PDE10A: variants seen among roughly 807,000 people sequenced by gnomAD.
PDE10A encodes the protein phosphodiesterase 10A.
A neutral mutation model predicts 97.7 loss-of-function variants in PDE10A; 39 were observed. The ratio of observed to expected loss-of-function variants is 0.40; its 90% CI spans 0.31 to 0.52. PDE10A has a LOEUF of 0.52. Ranked by LOEUF, PDE10A falls within the 20% of genes least tolerant of loss-of-function variation. The pLI is 0.56. For missense variants in PDE10A, 731 were observed against 1,047.8 expected (o/e 0.70, Z 4.17); for synonymous variants, 371 against 376.8 (o/e 0.98, Z 0.18).
intron 1 of PDE10A, among the ~76,000 whole-genome samples, chr6:165,595,989 A>T (rs2128389764): frequency 6.6e-6 from 1 of 152,314 alleles, no homozygotes; most frequent in Middle Eastern, 3.4e-3. Context: ...GGCCAAAACC[A>T]AACACCTAAT....
intron 1 of PDE10A, among the ~76,000 whole-genome samples, chr6:165,782,165 A>C (rs1319543110): frequency 6.6e-6 from 1 of 152,242 alleles, no homozygotes. Flanking sequence ...TCAAAATCTA[A>C]TCACAAAGTT....
intron 1 of PDE10A, among the ~76,000 whole-genome samples, chr6:165,787,024 C>G (rs1426546697): frequency 2.6e-5 from 4 of 151,970 alleles, no homozygotes; most frequent in Non-Finnish European, 5.9e-5. Flanking sequence ...TCTTTAGCGG[C>G]AAATTATTCT....
intron 2 of PDE10A, among the ~76,000 whole-genome samples, chr6:165,529,745 T>C (rs574949213): frequency 6.6e-6 from 1 of 152,306 alleles, no homozygotes; most frequent in South Asian, 2.1e-4. Context: ...GGGTTGGAGA[T>C]TGGTGCATCT....
intron 3 of PDE10A, among the ~76,000 whole-genome samples, chr6:165,480,072 G>A (rs1372154248): frequency 2.0e-5 from 3 of 152,138 alleles, no homozygotes; most frequent in African/African-American, 7.2e-5. Flanking sequence ...ATGTTTTAAA[G>A]ATATATTAAT....
chr6:165,854,405 C>T (rs1336973644), intron 1 of PDE10A, among the ~76,000 whole-genome samples: 1 of 152,106 alleles, frequency 6.6e-6, no homozygotes, highest in African/African-American at 2.4e-5. Context: ...AGACCAGGTG[C>T]GTTTTGGAAA....
rs563198579 is a variant in PDE10A at position 165,679,468 on chromosome 6, G to A, written c.-614-135900C>T. Among the ~76,000 whole-genome samples the A allele has an allele frequency of 7.2e-5, 11 of 152,258 alleles. No homozygotes were observed. In the South Asian group the frequency reaches 8.3e-4, roughly 11 times the overall value. On this transcript the variant is annotated intron_variant, in intron 1 of 19. Transcript: ENST00000366882. ...GAAAGGGGAAATCTGGATTCTCACC[G>A]GCCGCTACCTCCCAGCCCTTGAGGA...
intron 1 of PDE10A, chr6:165,949,218 G>C (rs300103): frequency 0.28 from 42,228 of 152,114 alleles, 6,944 homozygotes; most frequent in African/African-American, 0.45. Context: ...TATTGGTCAC[G>C]CTAACCCATT....
chr6:165,388,422 T>C lies in PDE10A; in HGVS notation c.2486A>G (p.His829Arg). ...RKGLLIACLC[H>R]DLDHRGFSNS... The stretch of plus-strand genomic sequence containing the variant: ...ACTGAAGCCCCTGTGGTCCAGGTCA[T>C]GACACAGACACGCAATCAGCAGTCC... Residue 829 changes from histidine to arginine, a missense_variant, in exon 17 of 22, where the codon CAT becomes CGT. His to Arg is a conservative substitution (Grantham distance 29, BLOSUM62 0). Transcript: ENST00000539869. The surrounding 1 kb of genome is among the most constrained non-coding windows in gnomAD (Gnocchi z 4.0). 6.2e-7 allele frequency: 1 copy of C among 1,614,180 alleles called. No individual in the cohort carries two copies. The highest frequency in any genetic ancestry group is 8.5e-7 in the Non-Finnish European group (1 of 1,180,006).
chr6:165,612,923 C>A (rs1415457228), intron 1 of PDE10A, among the ~76,000 whole-genome samples: 1 of 152,084 alleles, frequency 6.6e-6, no homozygotes, highest in Admixed American at 6.5e-5. Context: ...AACATAAGAA[C>A]TATTAGTGAG....
intron 1 of PDE10A, among the ~76,000 whole-genome samples, chr6:165,875,335 C>T (rs1479975772): frequency 6.6e-6 from 1 of 152,122 alleles, no homozygotes; most frequent in Non-Finnish European, 1.5e-5. Flanking sequence ...CATGGAAATG[C>T]CACCTTGGTC....
At chr6:165,896,606 G>A (rs1415528165) in intron 1 of PDE10A, among the ~76,000 whole-genome samples, 1 of 146,172 alleles carries the variant, frequency 6.8e-6, no homozygotes. Context: ...CTCACTGCAA[G>A]CTCCGCCTCC....
chr6:165,864,868 AAAAG>A, intron 1 of PDE10A, among the ~76,000 whole-genome samples: 1 of 152,378 alleles, frequency 6.6e-6, no homozygotes, highest in South Asian at 2.1e-4. Context: ...CCCAAAAACA[AAAAG>A]AAATTAACAT....
intron 1 of PDE10A, among the ~76,000 whole-genome samples, chr6:165,899,105 GA>G (rs1782034468): frequency 6.6e-6 from 1 of 152,202 alleles, no homozygotes; most frequent in East Asian, 1.9e-4. Flanking sequence ...CTGGCATCCA[GA>G]AGAGTGTCTG....
chr6:165,892,637 C>A (rs574520322), intron 1 of PDE10A, among the ~76,000 whole-genome samples: 60 of 152,312 alleles, frequency 3.9e-4, no homozygotes, highest in Middle Eastern at 3.4e-3. Context: ...GTTCCCAGCT[C>A]CTCTGTCCCC....
chr6:165,900,128 T>C (rs1782063364), intron 1 of PDE10A, among the ~76,000 whole-genome samples: 1 of 152,150 alleles, frequency 6.6e-6, no homozygotes, highest in South Asian at 2.1e-4. Flanking sequence ...GGAGATGTGC[T>C]CTCTGTCCTA....
chr6:165,370,402 A>G (rs1205523492), intron 18 of PDE10A, among the ~76,000 whole-genome samples: 3 of 149,480 alleles, frequency 2.0e-5, no homozygotes, highest in Non-Finnish European at 4.4e-5. Flanking sequence ...AGCAAATGGA[A>G]AACAAAAAAA....
chr6:165,363,736 T>TA (rs1583118353), intron 18 of PDE10A, among the ~76,000 whole-genome samples: 1 of 151,840 alleles, frequency 6.6e-6, no homozygotes, highest in Admixed American at 6.6e-5. Context: ...ATACTAACAA[T>TA]AAAAAATGTG....
chr6:165,936,327 A>G (rs1297168029), intron 1 of PDE10A, among the ~76,000 whole-genome samples: 2 of 152,250 alleles, frequency 1.3e-5, no homozygotes, highest in African/African-American at 4.8e-5. Flanking sequence ...TGGAGTAAGC[A>G]GTAGCAGATA....
At chr6:165,497,689 C>T (rs1780618783) in intron 2 of PDE10A, among the ~76,000 whole-genome samples, 1 of 152,234 alleles carries the variant, frequency 6.6e-6, no homozygotes, top group South Asian at 2.1e-4. Flanking sequence ...TAGATGCTAT[C>T]AGGCCCAGGA....
Sources: gnomAD v4.1 joint callset for allele counts (sites outside exome capture counted in the v4.1 genomes callset) on GRCh38, gnomAD v4.1.1 for gene constraint, Gnocchi (gnomAD v3.1) non-coding constraint, MANE v1.5 for transcripts, NCBI Gene and HGNC (gene_info 2026-07-23, HGNC 2026-07-21) for gene names.